The following GMDS variants were observed in gnomAD, a reference collection of about 807,000 sequenced individuals.
GMDS encodes GDP-mannose 4,6 dehydratase.
Under a neutral mutation model 49.9 loss-of-function variants are expected in GMDS, and 20 were observed. That is an observed-to-expected ratio of 0.40 (90% confidence interval 0.28 to 0.58). The LOEUF is 0.58. GMDS is among the 20% of genes least tolerant of loss of function. The pLI is 0.42. For synonymous variants in GMDS, 177 were observed against 178.6 expected (o/e 0.99, Z 0.07); for missense variants, 362 against 481.4 (o/e 0.75, Z 2.32).
chr6:2,215,216 G>A (rs1780267958), intron 1 of GMDS, among the ~76,000 whole-genome samples: 1 of 152,158 alleles, frequency 6.6e-6, no homozygotes, highest in Admixed American at 6.5e-5. Flanking sequence ...GGGAGAAAGA[G>A]ACACATACAG....
chr6:1,822,905 G>A (rs1385069645), intron 7 of GMDS, among the ~76,000 whole-genome samples: 1 of 152,128 alleles, frequency 6.6e-6, no homozygotes, highest in East Asian at 1.9e-4. Context: ...AGAGAAGTCT[G>A]ACAGAAGAAA....
intron 4 of GMDS, among the ~76,000 whole-genome samples, chr6:2,072,504 T>C (rs1188163533): frequency 6.6e-6 from 1 of 152,236 alleles, no homozygotes; most frequent in Non-Finnish European, 1.5e-5. Flanking sequence ...CTCTAAGTTT[T>C]AGTTTCATAG....
At chr6:1,993,687 T>C (rs1309432623) in intron 4 of GMDS, among the ~76,000 whole-genome samples, 1 of 151,742 alleles carries the variant, frequency 6.6e-6, no homozygotes, top group African/African-American at 2.4e-5. Flanking sequence ...GAGCTTTAAG[T>C]TAATCCTAAC....
intron 9 of GMDS, among the ~76,000 whole-genome samples, chr6:1,713,278 G>A (rs570858595): frequency 3.3e-5 from 5 of 152,286 alleles, no homozygotes; most frequent in East Asian, 1.9e-4. Flanking sequence ...AAGTGTCCTC[G>A]CCTCCACTGG....
intron 4 of GMDS, among the ~76,000 whole-genome samples, chr6:2,069,795 T>C (rs1326891828): frequency 3.9e-5 from 6 of 151,924 alleles, no homozygotes; most frequent in African/African-American, 1.2e-4. Flanking sequence ...TGTGGAGAAA[T>C]AGGAACACTT....
At chr6:2,223,130 T>C (rs1363186155) in intron 1 of GMDS, among the ~76,000 whole-genome samples, 1 of 146,578 alleles carries the variant, frequency 6.8e-6, no homozygotes, top group African/African-American at 2.7e-5. Flanking sequence ...AATCAATCAA[T>C]AGCGCGCTCT....
rs143811572 is a variant in GMDS, at chr6:1,872,280, T to C, written c.771+57823A>G. 4.6e-3 allele frequency among the ~76,000 whole-genome samples: 699 copies of C among 152,370 alleles called. 4 individuals carry two copies. The highest frequency in any genetic ancestry group is 0.016 in the African/African-American group (660 of 41,586). On this transcript the variant is annotated intron_variant, in intron 7 of 10. Transcript: ENST00000380815. The stretch of plus-strand genomic sequence containing the variant: ...CAAAGGGAACAGATAATATTTTAAC[T>C]GTAATAATTCAGTCTATATGAACTA...
chr6:1,726,108 G>A (rs1766575427), intron 9 of GMDS, among the ~76,000 whole-genome samples: 1 of 152,246 alleles, frequency 6.6e-6, no homozygotes, highest in African/African-American at 2.4e-5. Flanking sequence ...TAGGTTATCA[G>A]GGACCAGCCA....
At chr6:1,913,157 G>A (rs963560828) in intron 7 of GMDS, among the ~76,000 whole-genome samples, 1 of 151,792 alleles carries the variant, frequency 6.6e-6, no homozygotes, top group African/African-American at 2.4e-5. Context: ...CGAGGCGGGC[G>A]GATCACGAGG....
intron 4 of GMDS, among the ~76,000 whole-genome samples, chr6:2,084,259 A>G (rs1018174325): frequency 6.6e-6 from 1 of 152,140 alleles, no homozygotes; most frequent in African/African-American, 2.4e-5. Context: ...TGCGTTTGAG[A>G]GGTTTGAGGG....
chr6:1,979,510 G>T (rs773358295), intron 4 of GMDS, among the ~76,000 whole-genome samples: 2 of 152,142 alleles, frequency 1.3e-5, no homozygotes, highest in Non-Finnish European at 2.9e-5. Flanking sequence ...AGAATGAAAA[G>T]AAATAAACAA....
chr6:2,065,034 T>C (rs1771460348), intron 4 of GMDS, among the ~76,000 whole-genome samples: 1 of 152,062 alleles, frequency 6.6e-6, no homozygotes, highest in Admixed American at 6.6e-5. Context: ...TCTGACAGCT[T>C]TGAAGAGAGC....
chr6:1,983,944 A>G (rs906732202), intron 4 of GMDS, among the ~76,000 whole-genome samples: 1 of 152,226 alleles, frequency 6.6e-6, no homozygotes, highest in Non-Finnish European at 1.5e-5. Flanking sequence ...AGCACTATTC[A>G]TATTAGTAAA....
intron 4 of GMDS, among the ~76,000 whole-genome samples, chr6:2,051,226 C>A (rs1581575203): frequency 6.6e-6 from 1 of 152,196 alleles, no homozygotes; most frequent in African/African-American, 2.4e-5. Flanking sequence ...TAGAAGGACA[C>A]CGCCTGCCAG....
rs116421495 is a variant in GMDS at position 1,788,315 on chromosome 6, T to C, written c.772-45729A>G. On this transcript the variant is annotated intron_variant, in intron 7 of 10. Transcript: ENST00000380815. ...GTCTTACGCGTACTGTGTACTCCAA[T>C]AGATTCTTCAATTTCTTCAAAATTA... is the stretch of plus-strand genomic sequence containing the variant. 8.9e-3 allele frequency among the ~76,000 whole-genome samples: 1,361 copies of C among 152,314 alleles called. 20 individuals are homozygous for C. The highest frequency in any genetic ancestry group is 0.031 in the African/African-American group (1,303 of 41,556).
chr6:2,091,969 A>G (rs1488201858), intron 4 of GMDS, among the ~76,000 whole-genome samples: 1 of 152,164 alleles, frequency 6.6e-6, no homozygotes, highest in Non-Finnish European at 1.5e-5. Flanking sequence ...CTACAAGGAT[A>G]GGGCTATATG....
intron 1 of GMDS, among the ~76,000 whole-genome samples, chr6:2,192,605 T>C (rs537905164): frequency 4.6e-5 from 7 of 152,304 alleles, no homozygotes; most frequent in African/African-American, 1.7e-4. Flanking sequence ...CTGGGAGCCA[T>C]TGCATTCCTT....
intron 7 of GMDS, among the ~76,000 whole-genome samples, chr6:1,919,356 G>A (rs1410848171): frequency 1.3e-5 from 2 of 152,166 alleles, no homozygotes; most frequent in African/African-American, 4.8e-5. Flanking sequence ...AGGTACTTAG[G>A]GAAGCTATCC....
At chr6:2,179,073 G>A (rs1054739940) in intron 1 of GMDS, among the ~76,000 whole-genome samples, 8 of 152,098 alleles carry the variant, frequency 5.3e-5, no homozygotes, top group African/African-American at 1.4e-4. Context: ...TGAAATCCAC[G>A]GGATGAGAAA....
Sources: gnomAD v4.1 joint callset for allele counts (sites outside exome capture counted in the v4.1 genomes callset) on GRCh38, gnomAD v4.1.1 for gene constraint, MANE v1.5 for transcripts, NCBI Gene and HGNC (gene_info 2026-07-23, HGNC 2026-07-21) for gene names.